Variants in AASS observed in about 807,000 individuals in gnomAD.
The protein encoded by AASS is alpha-aminoadipic semialdehyde synthase, mitochondrial.
A neutral mutation model predicts 105.4 loss-of-function variants in AASS; 86 were observed. The ratio of observed to expected loss-of-function variants is 0.82; its 90% CI spans 0.69 to 0.98. The LOEUF (loss-of-function observed/expected upper bound fraction) is 0.98, where lower values mean the gene tolerates loss of function less well. Among genes scored for constraint, AASS ranks in the 50% least tolerant of loss-of-function variants. The pLI, the probability that AASS is intolerant of heterozygous loss-of-function variation, is 0.00. For missense variants in AASS, 1,048 were observed against 1,143.2 expected (o/e 0.92, Z 1.20); for synonymous variants, 381 against 394.8 (o/e 0.96, Z 0.41).
intron 6 of AASS, among the ~76,000 whole-genome samples, chr7:122,118,070 C>T (rs1042574910): frequency 3.3e-5 from 5 of 152,044 alleles, no homozygotes; most frequent in East Asian, 1.9e-4. Context: ...GATATACACA[C>T]ACATATACAC....
chr7:122,131,225 A>G (rs950718308), intron 2 of AASS, among the ~76,000 whole-genome samples: 2 of 151,870 alleles, frequency 1.3e-5, no homozygotes, highest in African/African-American at 4.8e-5. Flanking sequence ...AGAAACAATA[A>G]TATATAAATC....
chr7:122,113,230 C>G lies in AASS; in HGVS notation c.1167-1G>C. On this transcript the variant is annotated splice_acceptor_variant, in intron 10 of 23. Coordinates refer to ENST00000417368, the MANE Select transcript of AASS (RefSeq NM_005763.4). LOFTEE classifies it high-confidence loss of function. ...CATCAGGATCCCCGAGCCTTCAACACTAAAAGCAGCAATGTGGTTTATTCA... is the reference window on the plus strand; with the variant it reads ...CATCAGGATCCCCGAGCCTTCAACAGTAAAAGCAGCAATGTGGTTTATTCA... 1 of 1,613,356 alleles carries G rather than the reference C, an allele frequency of 6.2e-7. No individual in the cohort carries two copies. Among genetic ancestry groups the G allele is most frequent in the Non-Finnish European group, 8.5e-7 (1 of 1,179,338 alleles).
intron 1 of AASS, among the ~76,000 whole-genome samples, chr7:122,136,204 G>A (rs1429603271): frequency 6.6e-6 from 1 of 152,206 alleles, no homozygotes; most frequent in Non-Finnish European, 1.5e-5. Context: ...CTTGATGGAT[G>A]GGGAAGGCTT....
chr7:122,115,342 T>A, intron 8 of AASS, 120 bp from the exon 9 acceptor site: 1 of 1,320,180 alleles, frequency 7.6e-7, no homozygotes, highest in South Asian at 1.3e-5. Flanking sequence ...TAATTGATTT[T>A]CTTATTGTCC....
intron 19 of AASS, chr7:122,081,884 A>T (rs1322861383): frequency 2.8e-6 from 1 of 353,324 alleles, no homozygotes; most frequent in African/African-American, 2.1e-5. Context: ...TACATAAAAG[A>T]CCTTGCAAAA....
chr7:122,109,534 A>C (rs1225866381), intron 11 of AASS, among the ~76,000 whole-genome samples: 1 of 152,098 alleles, frequency 6.6e-6, no homozygotes, highest in East Asian at 1.9e-4. Flanking sequence ...AAGTGTCAAG[A>C]ACAAACATTA....
intron 2 of AASS, among the ~76,000 whole-genome samples, chr7:122,130,375 C>A (rs1795855038): frequency 6.6e-6 from 1 of 151,762 alleles, no homozygotes. Context: ...TACGAGTAAA[C>A]CGATTTGGAA....
Position 122,080,922 on chromosome 7 carries a change from A to G in AASS, c.2280+578T>C, listed in dbSNP as rs114081460. On this transcript the variant is annotated intron_variant, in intron 20 of 23. Coordinates refer to ENST00000417368, the MANE Select transcript of AASS (RefSeq NM_005763.4). The stretch of plus-strand genomic sequence containing the variant: ...AGTTTAAGTTGAACAACCAGCTGGT[A>G]ATGAGTTAATTCTGAGCAGTCAGTA... Among the ~76,000 whole-genome samples, 424 of 152,334 alleles carry G rather than the reference A, an allele frequency of 2.8e-3. 1 individual carries two copies. The highest frequency in any genetic ancestry group is 9.7e-3 in the African/African-American group (403 of 41,586).
intron 13 of AASS, among the ~76,000 whole-genome samples, chr7:122,101,137 G>A (rs757494791): frequency 6.0e-5 from 9 of 150,134 alleles, no homozygotes; most frequent in Non-Finnish European, 1.2e-4. Context: ...TTACCCATAC[G>A]TCTACACAGG....
intron 4 of AASS, among the ~76,000 whole-genome samples, chr7:122,120,046 TC>T (rs1321551208): frequency 6.6e-6 from 1 of 152,236 alleles, no homozygotes; most frequent in Non-Finnish European, 1.5e-5. Flanking sequence ...CGGCTTTTAC[TC>T]AGCATCGTGT....
intron 19 of AASS, chr7:122,081,918 G>A (rs1793350298): frequency 3.4e-6 from 1 of 296,968 alleles, no homozygotes; most frequent in African/African-American, 2.2e-5. Context: ...TTCTGTTTCT[G>A]GGTAACATGT....
Position 122,139,206 on chromosome 7 carries a change from A to T in AASS, c.-16+4955T>A, listed in dbSNP as rs140598752. ...GAGTTATCAAAATAAAATCTTTTGTACACGGAATATGGGACAAATGCTTTT... is the reference window on the plus strand; with the variant it reads ...GAGTTATCAAAATAAAATCTTTTGTTCACGGAATATGGGACAAATGCTTTT... On this transcript the variant is annotated intron_variant, in intron 1 of 23. Transcript: ENST00000417368. Among the ~76,000 whole-genome samples, 123 of 152,338 alleles carry T rather than the reference A, an allele frequency of 8.1e-4. 3 individuals are homozygous for T. Among genetic ancestry groups the T allele is most frequent in the Admixed American group, 7.5e-3 (115 of 15,302 alleles).
At chr7:122,129,592 T>G in intron 2 of AASS, 55 bp from the exon 3 acceptor site, 1 of 1,545,212 alleles carries the variant, frequency 6.5e-7, no homozygotes, top group Non-Finnish European at 8.9e-7. Context: ...TATCCATGTT[T>G]TCTTGAGCAA....
Position 122,075,822 on chromosome 7 carries a change from C to CA in AASS, c.*666dup, listed in dbSNP as rs1792975616. 1 of 151,908 alleles carries CA rather than the reference C, an allele frequency of 6.6e-6. No homozygotes were observed. Among genetic ancestry groups the CA allele is most frequent in the East Asian group, 1.9e-4 (1 of 5,192 alleles). 9.4% of individuals were successfully genotyped at this position (151,908 alleles called of 1,614,324 possible). ...AAAAGGGCATAAAATAGCATTTTGGCAAAAACTTAACTTAGGTAATCTGAA... is the reference window on the plus strand; with the variant it reads ...AAAAGGGCATAAAATAGCATTTTGGCAAAAAACTTAACTTAGGTAATCTGAA... On this transcript the variant is annotated 3_prime_UTR_variant, in exon 24 of 24. Transcript: ENST00000417368.
At chr7:122,093,303 G>A (rs1793994986) in intron 15 of AASS, 145 bp from the exon 16 acceptor site, 4 of 720,200 alleles carry the variant, frequency 5.6e-6, no homozygotes, top group Non-Finnish European at 9.9e-6. Flanking sequence ...CACTGTTGGT[G>A]GGAATGTAAA....
At chr7:122,102,948 G>C (rs1010854957) in intron 11 of AASS, among the ~76,000 whole-genome samples, 5 of 151,756 alleles carry the variant, frequency 3.3e-5, no homozygotes, top group African/African-American at 1.2e-4. Context: ...AAGTGTAATG[G>C]AATTAACAAA....
chr7:122,117,513 T>TA (rs1345940961), intron 6 of AASS, among the ~76,000 whole-genome samples: 1 of 152,112 alleles, frequency 6.6e-6, no homozygotes, highest in East Asian at 1.9e-4. Flanking sequence ...CAAGTAGTCT[T>TA]AAAAAATGGT....
intron 8 of AASS, 149 bp from the exon 9 acceptor site, chr7:122,115,371 T>C (rs1340320158): frequency 1.9e-6 from 2 of 1,077,602 alleles, no homozygotes; most frequent in African/African-American, 3.2e-5. Context: ...GTCCATCTTT[T>C]GAGGCAAAGA....
At chr7:122,141,565 A>G (rs566568464) in intron 1 of AASS, among the ~76,000 whole-genome samples, 13 of 151,986 alleles carry the variant, frequency 8.6e-5, no homozygotes, top group African/African-American at 3.1e-4. Context: ...AATTCAATAA[A>G]CATTATAAAG....
Sources: gnomAD v4.1 joint callset for allele counts (sites outside exome capture counted in the v4.1 genomes callset) on GRCh38, gnomAD v4.1.1 for gene constraint, MANE v1.5 for transcripts, NCBI Gene and HGNC (gene_info 2026-07-23, HGNC 2026-07-21) for gene names.